Variants in ICE1 observed in about 807,000 individuals in gnomAD.
ICE1 encodes interactor of little elongation complex ELL subunit 1, also known as little elongation complex subunit 1.
ICE1 carries 64 observed loss-of-function variants against 192.7 expected under a neutral mutation model. That is an observed-to-expected ratio of 0.33 (90% CI 0.27 to 0.41). ICE1 has a LOEUF of 0.41. Among genes scored for constraint, ICE1 ranks in the 10% least tolerant of loss-of-function variants. The pLI is 1.00. For missense variants in ICE1, 2,708 were observed against 2,696.0 expected, an observed-to-expected ratio of 1.00 and a Z score of -0.10; for synonymous variants, 1,010 against 984.5, an observed-to-expected ratio of 1.03 and a Z score of -0.49.
chr5:5,437,200 G>A lies in ICE1; in HGVS notation c.178+86G>A, dbSNP rs1222566716. 9.6e-6 allele frequency: 10 copies of A among 1,041,996 alleles called. No individual in the cohort carries two copies. In the East Asian group the frequency reaches 2.6e-4, roughly 27 times the overall value. 64.5% of individuals were successfully genotyped at this position (1,041,996 alleles called of 1,614,324 possible). A position where few individuals can be genotyped will look rare whatever the true frequency, so the allele number is the denominator to read the frequency against. ...AGAGATGTGAGAATTGTTCCTCATA[G>A]GCCTTCTGGAAGATAGTACTTAACA... On this transcript the variant is annotated intron_variant, in intron 3 of 18. Transcript: ENST00000296564.
intron 17 of ICE1, among the ~76,000 whole-genome samples, chr5:5,478,681 G>A (rs889502326): frequency 6.6e-6 from 1 of 151,914 alleles, no homozygotes; most frequent in African/African-American, 2.4e-5. Flanking sequence ...AAGTGTCACA[G>A]TAGACTTCAA....
At chr5:5,444,561 A>C (rs1738154150) in intron 7 of ICE1, among the ~76,000 whole-genome samples, 1 of 152,210 alleles carries the variant, frequency 6.6e-6, no homozygotes, top group African/African-American at 2.4e-5. Context: ...TACTGCACTC[A>C]AAGTAATCGC....
chr5:5,473,512 T>C (rs764753969), intron 15 of ICE1, 46 bp from the exon 16 acceptor site: 9 of 1,520,130 alleles, frequency 5.9e-6, no homozygotes, highest in Non-Finnish European at 7.1e-6. Context: ...TAAGATGCAT[T>C]CTATTTGAAA....
chr5:5,442,694 G>C (rs1738084667), intron 5 of ICE1, among the ~76,000 whole-genome samples: 1 of 152,168 alleles, frequency 6.6e-6, no homozygotes, highest in South Asian at 2.1e-4. Flanking sequence ...ATCATACCCT[G>C]CTAGAACTCT....
At chr5:5,475,745 A>G (rs3747730) in intron 16 of ICE1, among the ~76,000 whole-genome samples, 12,096 of 152,252 alleles carry the variant, frequency 0.079, 759 homozygotes, top group East Asian at 0.29. Context: ...GTTCAGAAGA[A>G]TTAGAACAAG....
Position 5,473,682 on chromosome 5 carries a change from A to G in ICE1, c.6347A>G (p.Tyr2116Cys). 5 of 1,613,446 alleles carry G rather than the reference A, an allele frequency of 3.1e-6. No individual in the cohort carries two copies. Among genetic ancestry groups the G allele is most frequent in the Non-Finnish European group, 4.2e-6 (5 of 1,179,668 alleles). Residue 2116 changes from tyrosine (Y) to cysteine (C), a missense_variant, in exon 16 of 19, where the codon TAC (tyrosine) becomes TGC (cysteine). This residue lies in a region of ICE1 where 342 missense variants were observed against 419.3 expected (regional missense o/e 0.82). Transcript: ENST00000296564. ...GEDLSDNTWE[Y>C]IFAIDLLCCH... ...GACCTAAGTGATAACACTTGGGAATACATATTTGCCATTGATCTGCTCTGC... is the reference window on the plus strand; with the variant it reads ...GACCTAAGTGATAACACTTGGGAATGCATATTTGCCATTGATCTGCTCTGC...
At chr5:5,450,573 GCCA>G (rs1738385708) in intron 10 of ICE1, among the ~76,000 whole-genome samples, 1 of 152,102 alleles carries the variant, frequency 6.6e-6, no homozygotes, top group South Asian at 2.1e-4. Context: ...ATTCATAGGG[GCCA>G]CCAAGTGTTG....
chr5:5,468,608 T>C (rs951581645), intron 14 of ICE1, among the ~76,000 whole-genome samples: 7 of 152,226 alleles, frequency 4.6e-5, no homozygotes, highest in African/African-American at 1.7e-4. Flanking sequence ...TTGCCTGTAA[T>C]GACACATACC....
At chr5:5,479,340 AAAG>A (rs1267933971) in intron 17 of ICE1, among the ~76,000 whole-genome samples, 1 of 152,250 alleles carries the variant, frequency 6.6e-6, no homozygotes, top group Non-Finnish European at 1.5e-5. Context: ...AACATGAAAA[AAAG>A]CTCATCATTC....
intron 3 of ICE1, among the ~76,000 whole-genome samples, chr5:5,438,145 T>C (rs968076007): frequency 6.6e-6 from 1 of 152,194 alleles, no homozygotes; most frequent in Non-Finnish European, 1.5e-5. Context: ...CTTCACATGG[T>C]GGCAGGAGAG....
Position 5,434,435 on chromosome 5 carries a change from G to T in ICE1, c.85-1983G>T, listed in dbSNP as rs1221064257. On this transcript the variant is annotated intron_variant, in intron 1 of 18. Coordinates refer to ENST00000296564, the MANE Select transcript of ICE1 (RefSeq NM_015325.3). ...AGAATCTGCAGATAAATTATTCACTGCTGGATTTACTTTGCATATATTTTA... is the reference window on the plus strand; with the variant it reads ...AGAATCTGCAGATAAATTATTCACTTCTGGATTTACTTTGCATATATTTTA... 2.6e-5 allele frequency among the ~76,000 whole-genome samples: 4 copies of T among 152,154 alleles called. No individual in the cohort carries two copies. In the East Asian group the frequency reaches 7.7e-4, roughly 29 times the overall value.
At chr5:5,451,821 C>G (rs983592444) in intron 10 of ICE1, among the ~76,000 whole-genome samples, 5 of 152,078 alleles carry the variant, frequency 3.3e-5, no homozygotes, top group Admixed American at 2.6e-4. Flanking sequence ...CCATTTTATT[C>G]TCTTAGGCTA....
intron 1 of ICE1, among the ~76,000 whole-genome samples, chr5:5,432,645 A>G (rs970053163): frequency 2.3e-4 from 35 of 152,286 alleles, no homozygotes; most frequent in Admixed American, 1.5e-3. Flanking sequence ...TGTATGAGGA[A>G]TGTATTCAGT....
intron 17 of ICE1, among the ~76,000 whole-genome samples, chr5:5,486,358 G>C (rs1373947482): frequency 6.6e-6 from 1 of 152,148 alleles, no homozygotes; most frequent in Admixed American, 6.5e-5. Context: ...TGACTTAGAG[G>C]ACACTAAGGT....
intron 10 of ICE1, among the ~76,000 whole-genome samples, chr5:5,453,682 CCACAAGCTA>C (rs1350532916): frequency 2.0e-5 from 3 of 152,114 alleles, no homozygotes; most frequent in Admixed American, 6.6e-5. Flanking sequence ...GCACATTTCA[CCACAAGCTA>C]TTCATAGTTA....
chr5:5,462,909 CTG>C lies in ICE1; in HGVS notation c.3577_3578del (p.Val1193PhefsTer2). On this transcript the variant is annotated frameshift_variant, in exon 13 of 19. Transcript: ENST00000296564. LOFTEE classifies it high-confidence loss of function. ...TTAGGGGATTATAGTTCAGGGGACT[CTG>C]TTTCTGAATGTTCTAGTAAAGGAAC... 6.2e-7 allele frequency: 1 copy of C among 1,608,878 alleles called. No homozygotes were observed. The highest frequency in any genetic ancestry group is 8.5e-7 in the Non-Finnish European group (1 of 1,177,276).
rs1561092092 is a variant in ICE1, at chr5:5,464,546, C to T, written c.5212C>T (p.His1738Tyr). The T allele has an allele frequency of 6.2e-7, 1 of 1,613,796 alleles. No homozygotes were observed. The highest frequency in any genetic ancestry group is 1.7e-4 in the Middle Eastern group (1 of 6,060). The stretch of plus-strand genomic sequence containing the variant: ...CCGACTCCCACCCTGTGCATCTGGC[C>T]ACGCTGCTGTGGGAGGGCCTCAGGA... ...PGRLPPCASG[H>Y]AAVGGPQENS... The change falls in exon 13 of 19, where the codon CAC becomes TAC. Residue 1738 changes from histidine (H) to tyrosine (Y), a missense_variant. Physicochemically the swap from His to Tyr is moderately conservative, Grantham distance 83. Coordinates refer to ENST00000296564, the MANE Select transcript of ICE1 (RefSeq NM_015325.3). This position sits in a 1 kb window ranked among gnomAD's most constrained non-coding sequence, Gnocchi z 4.0.
In ICE1 at chr5:5,457,434, G is replaced by A; in HGVS notation, c.794G>A (p.Cys265Tyr). ...CTCAGGACCTCAAATGTGCAGACAT[G>A]CCTCACAAAACTGTCCATGGAGATA... The part of the protein sequence containing the change: ...SPLRTSNVQT[C>Y]LTKLSMEIKE... Residue 265 changes from cysteine (C) to tyrosine (Y), a missense_variant, in exon 12 of 19, where the codon TGC (cysteine) becomes TAC (tyrosine). Transcript: ENST00000296564. 1 of 1,613,800 alleles carries A rather than the reference G, an allele frequency of 6.2e-7. No homozygotes were observed. The highest frequency in any genetic ancestry group is 8.5e-7 in the Non-Finnish European group (1 of 1,179,804).
intron 3 of ICE1, among the ~76,000 whole-genome samples, 197 bp from the exon 4 acceptor site, chr5:5,439,698 A>G (rs1310559982): frequency 6.6e-6 from 1 of 152,184 alleles, no homozygotes. Context: ...ACATGTTATT[A>G]TGGTAAATGG....
Sources: allele counts gnomAD v4.1 joint callset (sites outside exome capture counted in the v4.1 genomes callset), GRCh38; gene constraint gnomAD v4.1.1; regional missense constraint gnomAD v4.1.1; non-coding constraint Gnocchi (gnomAD v3.1); transcripts MANE v1.5; gene names NCBI Gene and HGNC (gene_info 2026-07-23, HGNC 2026-07-21).